Variants in ARHGEF38 observed in about 807,000 individuals in gnomAD.
ARHGEF38 encodes the protein Rho guanine nucleotide exchange factor 38.
ARHGEF38 carries 79 observed loss-of-function variants against 79.9 expected under a neutral mutation model. The ratio of observed to expected loss-of-function variants is 0.99; its 90% CI spans 0.82 to 1.19. ARHGEF38 has a LOEUF of 1.19. ARHGEF38 is among the 50% of genes most tolerant of loss of function. ARHGEF38 has a pLI of 0.00. For synonymous variants in ARHGEF38, 366 were observed against 328.3 expected (o/e 1.11, Z -1.24); for missense variants, 962 against 907.2 (o/e 1.06, Z -0.78).
chr4:105,663,099 C>T (rs1167704950), intron 10 of ARHGEF38, among the ~76,000 whole-genome samples: 1 of 152,100 alleles, frequency 6.6e-6, no homozygotes, highest in Non-Finnish European at 1.5e-5. Context: ...AGATCCTGTA[C>T]AACCCTCACA....
chr4:105,660,434 CTTTT>C (rs561329360), intron 10 of ARHGEF38, among the ~76,000 whole-genome samples: 1 of 139,906 alleles, frequency 7.1e-6, no homozygotes, highest in African/African-American at 2.6e-5. Flanking sequence ...CTTCCTCATT[CTTTT>C]TTTTTTTTTT....
chr4:105,661,770 G>A (rs1400997768), intron 10 of ARHGEF38, among the ~76,000 whole-genome samples: 1 of 151,780 alleles, frequency 6.6e-6, no homozygotes, highest in Non-Finnish European at 1.5e-5. Flanking sequence ...GCACCTAAAG[G>A]TAACCATTTT....
chr4:105,601,994 C>G (rs1224126430), intron 2 of ARHGEF38, among the ~76,000 whole-genome samples: 1 of 152,120 alleles, frequency 6.6e-6, no homozygotes, highest in African/African-American at 2.4e-5. Context: ...GCACCTAATA[C>G]AGTGCTTTAT....
At chr4:105,581,605 A>G (rs1249995251) in intron 1 of ARHGEF38, among the ~76,000 whole-genome samples, 1 of 152,160 alleles carries the variant, frequency 6.6e-6, no homozygotes, top group Non-Finnish European at 1.5e-5. Flanking sequence ...GATTAAACAA[A>G]ATAATTAAAT....
In ARHGEF38 at chr4:105,618,111, A is replaced by G. The variant is rs141613416; in HGVS notation, c.508+4604A>G. On this transcript the variant is annotated intron_variant, in intron 3 of 13. Transcript: ENST00000420470. Reference sequence around the variant, plus strand: ...CAAATATTTACTTGTTTTAATATGTATAGTAATGAGAGTAAAGCTTCTATT... The same window carrying G: ...CAAATATTTACTTGTTTTAATATGTGTAGTAATGAGAGTAAAGCTTCTATT... 1.5e-3 allele frequency among the ~76,000 whole-genome samples: 222 copies of G among 152,316 alleles called. 3 individuals carry two copies. The highest frequency in any genetic ancestry group is 5.2e-3 in the African/African-American group (216 of 41,570).
At chr4:105,658,094 C>A (rs1730410760) in intron 9 of ARHGEF38, among the ~76,000 whole-genome samples, 1 of 151,918 alleles carries the variant, frequency 6.6e-6, no homozygotes, top group African/African-American at 2.4e-5. Flanking sequence ...ATGACTCAGG[C>A]CAAAAAGTGT....
At chr4:105,657,087 A>G (rs1730363645) in intron 9 of ARHGEF38, among the ~76,000 whole-genome samples, 2 of 152,200 alleles carry the variant, frequency 1.3e-5, no homozygotes, top group Admixed American at 1.3e-4. Flanking sequence ...TTTTTACAGT[A>G]TATGTTTAAT....
intron 3 of ARHGEF38, among the ~76,000 whole-genome samples, chr4:105,622,273 G>A (rs558380202): frequency 1.4e-4 from 21 of 152,230 alleles, no homozygotes; most frequent in South Asian, 6.2e-4. Flanking sequence ...GATTTGAATG[G>A]ACCTGCGAAA....
chr4:105,668,064 T>G (rs947620939), intron 13 of ARHGEF38, among the ~76,000 whole-genome samples: 1 of 152,140 alleles, frequency 6.6e-6, no homozygotes, highest in South Asian at 2.1e-4. Context: ...CTGCCATCAA[T>G]AGCACATGGG....
intron 1 of ARHGEF38, among the ~76,000 whole-genome samples, chr4:105,554,944 G>GTT (rs3842014): frequency 1.3e-5 from 2 of 151,952 alleles, no homozygotes; most frequent in Non-Finnish European, 2.9e-5. Flanking sequence ...CTAATGACAT[G>GTT]TTTTTTCTGT....
At chr4:105,657,838 C>A (rs1730400634) in intron 9 of ARHGEF38, among the ~76,000 whole-genome samples, 3 of 152,300 alleles carry the variant, frequency 2.0e-5, no homozygotes, top group South Asian at 2.1e-4. Context: ...TTCAGACCAA[C>A]TTACCAGGGG....
intron 2 of ARHGEF38, among the ~76,000 whole-genome samples, chr4:105,591,445 G>T (rs1046591980): frequency 6.6e-6 from 1 of 152,100 alleles, no homozygotes; most frequent in African/African-American, 2.4e-5. Context: ...TAGCCAGGGT[G>T]GTCTCCATCT....
chr4:105,590,154 A>AAG (rs904300657), intron 2 of ARHGEF38, among the ~76,000 whole-genome samples: 25 of 150,480 alleles, frequency 1.7e-4, no homozygotes, highest in Admixed American at 4.6e-4. Flanking sequence ...GAAAGAAAGA[A>AAG]AGAGAGAGAG....
At chr4:105,560,719 T>C (rs1389901874) in intron 1 of ARHGEF38, among the ~76,000 whole-genome samples, 1 of 152,226 alleles carries the variant, frequency 6.6e-6, no homozygotes, top group Non-Finnish European at 1.5e-5. Context: ...AATCTTAGAC[T>C]GACATACAAT....
intron 6 of ARHGEF38, 131 bp downstream of exon 6, chr4:105,645,518 C>T: frequency 1.3e-6 from 1 of 793,398 alleles, no homozygotes; most frequent in Non-Finnish European, 1.8e-6. Context: ...CAATTAGAAG[C>T]TGGAGAGAAG....
intron 13 of ARHGEF38, 38 bp downstream of exon 13, chr4:105,667,741 C>A (rs1163197139): frequency 1.3e-6 from 2 of 1,533,078 alleles, no homozygotes; most frequent in Admixed American, 3.9e-5. Flanking sequence ...TTGTTCAAAT[C>A]ATGAAAGAGT....
chr4:105,646,466 C>G (rs1285671975), intron 6 of ARHGEF38, among the ~76,000 whole-genome samples: 1 of 152,052 alleles, frequency 6.6e-6, no homozygotes, highest in Non-Finnish European at 1.5e-5. Flanking sequence ...ATTTCCAGTC[C>G]AAGAGACTGG....
intron 2 of ARHGEF38, 88 bp from the exon 3 acceptor site, chr4:105,613,296 C>T (rs1728374111): frequency 2.1e-6 from 3 of 1,425,104 alleles, no homozygotes; most frequent in Non-Finnish European, 2.8e-6. Flanking sequence ...ACAGCATGCG[C>T]TGGCATTTAA....
chr4:105,582,933 T>G (rs1726866377), intron 1 of ARHGEF38, among the ~76,000 whole-genome samples: 2 of 152,228 alleles, frequency 1.3e-5, no homozygotes, highest in Admixed American at 1.3e-4. Flanking sequence ...ATTTTATCTG[T>G]GTAAAATAGC....
Sources: gnomAD v4.1 joint callset for allele counts (sites outside exome capture counted in the v4.1 genomes callset) on GRCh38, gnomAD v4.1.1 for gene constraint, MANE v1.5 for transcripts, NCBI Gene and HGNC (gene_info 2026-07-23, HGNC 2026-07-21) for gene names.